AR: variants seen among roughly 807,000 people sequenced by gnomAD.
The protein encoded by AR is androgen receptor, also known as dihydrotestosterone receptor.
A neutral mutation model predicts 53.9 loss-of-function variants in AR; 8 were observed. The observed-to-expected ratio is 0.15, with a 90% CI of 0.09 to 0.27. The LOEUF is 0.27. Among genes scored for constraint, AR ranks in the 10% least tolerant of loss-of-function variants. The probability of loss-of-function intolerance (pLI) is 1.00; values close to 1 mark genes in which losing one functional copy is unlikely to be tolerated. For synonymous variants in AR, 359 were observed against 316.4 expected, an observed-to-expected ratio of 1.13 and a Z score of -1.43; for missense variants, 639 against 742.5, an observed-to-expected ratio of 0.86 and a Z score of 1.62.
chrX:67,685,816 A>C (rs891156377), intron 2 of AR, 194 bp from the exon 3 acceptor site: 5 of 594,691 alleles, frequency 8.4e-6, no homozygotes, highest in South Asian at 3.2e-5. Flanking sequence ...AATGGAAATC[A>C]AACAATATAG....
intron 1 of AR, among the ~76,000 whole-genome samples, chrX:67,551,133 C>G (rs1392402325): frequency 9.5e-6 from 1 of 104,986 alleles, no homozygotes; most frequent in Non-Finnish European, 1.9e-5. Flanking sequence ...CTGTCTCTGT[C>G]TTGATCTCTG....
At chrX:67,716,619 A>G (rs1456015376) in intron 4 of AR, among the ~76,000 whole-genome samples, 3 of 111,035 alleles carry the variant, frequency 2.7e-5, no homozygotes, top group Non-Finnish European at 5.7e-5. Context: ...CAGGGTACCT[A>G]TTGAGTAGAA....
Position 67,546,464 on chromosome X carries a change from A to G in AR, c.1318A>G (p.Thr440Ala), listed in dbSNP as rs1385983412. 5 of 1,163,478 alleles carry G rather than the reference A, an allele frequency of 4.3e-6. No homozygotes were observed. The highest frequency in any genetic ancestry group is 4.6e-6 in the Non-Finnish European group (4 of 872,045). ...AASSSWHTLF[T>A]AEEGQLYGPC... ...TTCCTCATCCTGGCACACTCTCTTC[A>G]CAGCCGAAGAAGGCCAGTTGTATGG... Residue 440 changes from threonine (T) to alanine (A), a missense_variant, in exon 1 of 8, where the codon ACA becomes GCA. Transcript: ENST00000374690.
At chrX:67,685,237 G>A (rs2075959328) in intron 2 of AR, among the ~76,000 whole-genome samples, 1 of 111,887 alleles carries the variant, frequency 8.9e-6, no homozygotes, top group Admixed American at 9.6e-5. Flanking sequence ...CCAGGATTGT[G>A]CTAGCGTAAA....
intron 2 of AR, among the ~76,000 whole-genome samples, chrX:67,647,457 T>C (rs1284691289): frequency 1.8e-5 from 2 of 111,920 alleles, no homozygotes; most frequent in East Asian, 2.8e-4. Context: ...TGCCTCTAGT[T>C]TGGAGTCTAG....
At chrX:67,577,183 T>C (rs924029271) in intron 1 of AR, among the ~76,000 whole-genome samples, 8 of 110,430 alleles carry the variant, frequency 7.2e-5, no homozygotes, top group African/African-American at 2.6e-4. Flanking sequence ...TCTATAGATT[T>C]AGCCATTCTG....
In AR at chrX:67,545,180, C is replaced by T. The variant is rs1283306896; in HGVS notation, c.34C>T (p.Pro12Ser). 1.7e-6 allele frequency: 2 copies of T among 1,204,091 alleles called. No homozygotes were observed. Among genetic ancestry groups the T allele is most frequent in the Admixed American group, 2.3e-5 (1 of 44,387 alleles). ...GCAGTTAGGGCTGGGAAGGGTCTAC[C>T]CTCGGCCGCCGTCCAAGACCTACCG... ...EVQLGLGRVY[P>S]RPPSKTYRGA... The change falls in exon 1 of 8, where the codon CCT becomes TCT. Residue 12 changes from proline to serine, a missense_variant. Coordinates refer to ENST00000374690, the MANE Select transcript of AR (RefSeq NM_000044.6).
chrX:67,554,516 G>T (rs1356666337), intron 1 of AR, among the ~76,000 whole-genome samples: 1 of 112,021 alleles, frequency 8.9e-6, no homozygotes, highest in Non-Finnish European at 1.9e-5. Flanking sequence ...TAGGCTAAGG[G>T]TCATAGCTAA....
At position 67,725,799 on chromosome X, in the gene AR, G is replaced by C. The variant is rs2076155262; in HGVS notation, c.*1958G>C. ...CTTCTTTCGGAAAGGTCTGGTTGGT[G>C]TGGCTCCAATACTTTGCCACCCATG... On this transcript the variant is annotated 3_prime_UTR_variant, in exon 8 of 8. Transcript: ENST00000374690. 5.7e-6 allele frequency: 1 copy of C among 174,070 alleles called. No individual in the cohort carries two copies. The highest frequency in any genetic ancestry group is 1.1e-5 in the Non-Finnish European group (1 of 91,547). The allele number at this position is 174,070 out of a possible 1,213,427, so 14.3% of individuals were successfully genotyped here. A position where few individuals can be genotyped will look rare whatever the true frequency, so the allele number is the denominator to read the frequency against.
intron 4 of AR, among the ~76,000 whole-genome samples, chrX:67,712,093 C>T (rs2076096294): frequency 8.9e-6 from 1 of 111,905 alleles, no homozygotes; most frequent in Non-Finnish European, 1.9e-5. Context: ...TCTTCAATGT[C>T]ATCTTTAGGA....
At chrX:67,548,527 A>G (rs1022224895) in intron 1 of AR, among the ~76,000 whole-genome samples, 4 of 111,064 alleles carry the variant, frequency 3.6e-5, no homozygotes, top group African/African-American at 9.8e-5. Context: ...CTTGGGGGAA[A>G]ATGTCTAAGG....
intron 1 of AR, among the ~76,000 whole-genome samples, chrX:67,619,577 G>A (rs1023339360): frequency 1.8e-5 from 2 of 110,989 alleles, no homozygotes; most frequent in Non-Finnish European, 3.8e-5. Context: ...AAATCTTGAA[G>A]CCATCAATTG....
intron 3 of AR, among the ~76,000 whole-genome samples, chrX:67,689,113 G>T (rs1009337900): frequency 9.0e-6 from 1 of 111,180 alleles, no homozygotes; most frequent in African/African-American, 3.3e-5. Flanking sequence ...CTGGAATTGT[G>T]GCTTCACCGA....
chrX:67,621,859 G>A (rs1453851903), intron 1 of AR, among the ~76,000 whole-genome samples: 1 of 111,787 alleles, frequency 8.9e-6, no homozygotes, highest in Non-Finnish European at 1.9e-5. Context: ...TGATTGATAA[G>A]GGCCATCCAA....
At chrX:67,625,437 G>A (rs925950894) in intron 1 of AR, among the ~76,000 whole-genome samples, 3 of 110,497 alleles carry the variant, frequency 2.7e-5, no homozygotes, top group Non-Finnish European at 5.7e-5. Context: ...ATGGAACCTA[G>A]GATAACCAAA....
Position 67,700,492 on chromosome X carries a change from C to T in AR, c.1886-10910C>T, listed in dbSNP as rs760342032. ...GCTGCAGACAGAACAGAGGATCCCC[C>T]GGCAGAATGAATGGAGTCTGATTTC... On this transcript the variant is annotated intron_variant, in intron 3 of 7. Transcript: ENST00000374690. Among the ~76,000 whole-genome samples, 4 of 111,374 alleles carry T rather than the reference C, an allele frequency of 3.6e-5. No homozygotes were observed. The South Asian group carries it at 1.5e-3, about 43-fold the overall frequency.
chrX:67,585,975 C>A (rs750620484), intron 1 of AR, among the ~76,000 whole-genome samples: 1 of 111,806 alleles, frequency 8.9e-6, no homozygotes, highest in Non-Finnish European at 1.9e-5. Context: ...CTTGCAAGTT[C>A]TTCTTTCTTT....
At chrX:67,666,912 A>AT (rs762946113) in intron 2 of AR, among the ~76,000 whole-genome samples, 2,636 of 108,122 alleles carry the variant, frequency 0.024, 40 homozygotes, top group Non-Finnish European at 0.037. Flanking sequence ...AGATTGTTAG[A>AT]TTTTTTTTTT....
Position 67,705,734 on chromosome X carries a change from G to A in AR, c.1886-5668G>A, listed in dbSNP as rs1265979878. Among the ~76,000 whole-genome samples the A allele has an allele frequency of 2.7e-5, 3 of 111,710 alleles. 1 individual carries two copies. Among genetic ancestry groups the A allele is most frequent in the Non-Finnish European group, 5.6e-5 (3 of 53,164 alleles). On this transcript the variant is annotated intron_variant, in intron 3 of 7. Transcript: ENST00000374690. ...TCCCTGTCTTGTGCCAGTTTTCAAA[G>A]GGAGTGCTTCCAGTTTTTGCCTATT...
Sources: allele counts gnomAD v4.1 joint callset (sites outside exome capture counted in the v4.1 genomes callset), GRCh38; gene constraint gnomAD v4.1.1; transcripts MANE v1.5; gene names NCBI Gene and HGNC (gene_info 2026-07-23, HGNC 2026-07-21).